Variants in WWTR1 observed in about 807,000 individuals in gnomAD.
WWTR1 encodes the protein WW domain-containing transcription regulator protein 1.
Under a neutral mutation model 40.1 loss-of-function variants are expected in WWTR1, and 13 were observed. The ratio of observed to expected loss-of-function variants is 0.32; its 90% CI spans 0.21 to 0.52. The LOEUF (loss-of-function observed/expected upper bound fraction) is 0.52, where lower values mean the gene tolerates loss of function less well. Ranked by LOEUF, WWTR1 falls within the 20% of genes least tolerant of loss-of-function variation. The pLI, the probability that WWTR1 is intolerant of heterozygous loss-of-function variation, is 0.97. For synonymous variants in WWTR1, 230 were observed against 210.1 expected (o/e 1.09, Z -0.82); for missense variants, 436 against 523.1 (o/e 0.83, Z 1.63).
intron 3 of WWTR1, among the ~76,000 whole-genome samples, chr3:149,569,320 TA>T (rs1737515884): frequency 6.6e-6 from 1 of 152,228 alleles, no homozygotes; most frequent in Non-Finnish European, 1.5e-5. Flanking sequence ...TTTTTTGCCA[TA>T]AAAATAATGA....
At chr3:149,618,972 G>A (rs1180814901) in intron 2 of WWTR1, among the ~76,000 whole-genome samples, 2 of 152,148 alleles carry the variant, frequency 1.3e-5, no homozygotes, top group Non-Finnish European at 2.9e-5. Flanking sequence ...TCAACCCAGA[G>A]ATATCCAGGC....
At position 149,646,427 on chromosome 3, in the gene WWTR1, T is replaced by C. The variant is rs372747992; in HGVS notation, c.431+10449A>G. ...GCATTGGTCACCTACTTGGATGTCA[T>C]AGCAATGCCATTTTGCCATAAAGTT... On this transcript the variant is annotated intron_variant, in intron 2 of 6. Coordinates refer to ENST00000360632, the MANE Select transcript of WWTR1 (RefSeq NM_015472.6). Among the ~76,000 whole-genome samples, 3 of 152,256 alleles carry C rather than the reference T, an allele frequency of 2.0e-5. No homozygotes were observed. In the East Asian group the frequency reaches 5.8e-4, roughly 29 times the overall value.
intron 2 of WWTR1, among the ~76,000 whole-genome samples, chr3:149,610,159 T>G (rs1739667732): frequency 6.6e-6 from 1 of 152,234 alleles, no homozygotes; most frequent in Admixed American, 6.5e-5. Flanking sequence ...TGCCATTATA[T>G]ACTATACATC....
Position 149,521,157 on chromosome 3 carries a change from G to A in WWTR1, c.1019-168C>T, listed in dbSNP as rs546198493. On this transcript the variant is annotated intron_variant, in intron 6 of 6. Transcript: ENST00000360632. ...TGGAAGAAATCGAAAATTATTTCTG[G>A]ATAGGTGTGGTCCAGAATGGAAAAG... Among the ~76,000 whole-genome samples the A allele has an allele frequency of 5.3e-4, 81 of 152,184 alleles. 5 individuals carry two copies. The highest frequency in any genetic ancestry group is 4.4e-5 in the Non-Finnish European group (3 of 68,040).
intron 6 of WWTR1, among the ~76,000 whole-genome samples, chr3:149,521,257 G>A (rs1735032812): frequency 6.6e-6 from 1 of 152,180 alleles, no homozygotes; most frequent in Non-Finnish European, 1.5e-5. Flanking sequence ...CCATGACAAA[G>A]GTGTGAAGAA....
rs186315340 is a variant in WWTR1, at chr3:149,535,050, G to A, written c.772-7081C>T. On this transcript the variant is annotated intron_variant, in intron 4 of 6. Transcript: ENST00000360632. ...GCATCTGCAGCTCTGTCCCGCCTTG[G>A]CTGAGGGAACACTCTGCCAGCCAGC... is the stretch of plus-strand genomic sequence containing the variant. Among the ~76,000 whole-genome samples the A allele has an allele frequency of 3.8e-3, 584 of 152,208 alleles. 1 individual carries two copies. The highest frequency in any genetic ancestry group is 5.7e-3 in the Non-Finnish European group (385 of 68,018).
chr3:149,711,247 C>T (rs1191843300), intron 5 of WWTR1, among the ~76,000 whole-genome samples: 7 of 151,696 alleles, frequency 4.6e-5, no homozygotes, highest in Admixed American at 4.6e-4. Flanking sequence ...GGCTTGAGCC[C>T]AGAAGTTCAG....
At chr3:149,624,927 C>T (rs1265467220) in intron 2 of WWTR1, among the ~76,000 whole-genome samples, 1 of 151,504 alleles carries the variant, frequency 6.6e-6, no homozygotes, top group Non-Finnish European at 1.5e-5. Flanking sequence ...GGTGGGGTTT[C>T]ACCATGTTGG....
chr3:149,695,606 C>T (rs1003843558), intron 1 of WWTR1, among the ~76,000 whole-genome samples: 8 of 150,556 alleles, frequency 5.3e-5, no homozygotes, highest in African/African-American at 2.0e-4. Flanking sequence ...ACTAAAAATA[C>T]AAAAATTCTC....
chr3:149,688,150 C>T (rs992471403), intron 1 of WWTR1, among the ~76,000 whole-genome samples: 2 of 152,002 alleles, frequency 1.3e-5, no homozygotes, highest in Admixed American at 1.3e-4. Flanking sequence ...GTTCCCAATT[C>T]CAGGTCCTAG....
intron 2 of WWTR1, among the ~76,000 whole-genome samples, chr3:149,655,984 A>G (rs1481406352): frequency 6.6e-6 from 1 of 152,080 alleles, no homozygotes; most frequent in African/African-American, 2.4e-5. Context: ...GGCTGGCACA[A>G]CCTCCATCTT....
intron 1 of WWTR1, among the ~76,000 whole-genome samples, chr3:149,682,447 T>G (rs1174797871): frequency 6.6e-6 from 1 of 152,180 alleles, no homozygotes; most frequent in Non-Finnish European, 1.5e-5. Context: ...GCAAAGAATT[T>G]CTTTGTTAAG....
chr3:149,639,591 A>G (rs1433593711), intron 2 of WWTR1, among the ~76,000 whole-genome samples: 1 of 152,190 alleles, frequency 6.6e-6, no homozygotes, highest in East Asian at 1.9e-4. Flanking sequence ...ATTAGTATGT[A>G]GCTCTCAAGG....
intron 2 of WWTR1, among the ~76,000 whole-genome samples, chr3:149,629,971 C>T (rs1484751228): frequency 6.6e-6 from 1 of 152,092 alleles, no homozygotes; most frequent in Non-Finnish European, 1.5e-5. Flanking sequence ...CTCAGCCTCC[C>T]CGGTAGCTGG....
intron 2 of WWTR1, among the ~76,000 whole-genome samples, chr3:149,618,579 T>A (rs2108080561): frequency 6.6e-6 from 1 of 152,336 alleles, no homozygotes; most frequent in African/African-American, 2.4e-5. Flanking sequence ...TCCCCACATA[T>A]CTAAAGCTTA....
At chr3:149,707,519 G>T (rs545538491), upstream of WWTR1, among the ~76,000 whole-genome samples, 3 of 152,112 alleles carry the variant, frequency 2.0e-5, no homozygotes, top group South Asian at 6.2e-4. Context: ...TAAATTAATA[G>T]ATGTTTTATG....
intron 2 of WWTR1, among the ~76,000 whole-genome samples, chr3:149,597,515 C>T (rs372465493): frequency 2.0e-5 from 3 of 151,232 alleles, no homozygotes; most frequent in African/African-American, 7.3e-5. Context: ...CGTGGCAGCG[C>T]ACACCTGAAG....
intron 1 of WWTR1, among the ~76,000 whole-genome samples, chr3:149,683,685 T>C (rs1454241756): frequency 1.3e-5 from 2 of 151,696 alleles, no homozygotes; most frequent in Non-Finnish European, 2.9e-5. Flanking sequence ...TAGAACAAGA[T>C]TCTGCCTTTA....
chr3:149,644,979 G>A (rs1041121624), intron 2 of WWTR1, among the ~76,000 whole-genome samples: 1 of 151,960 alleles, frequency 6.6e-6, no homozygotes, highest in Non-Finnish European at 1.5e-5. Flanking sequence ...CAGCCTCCCA[G>A]GTAACTGGGA....
Sources: allele counts gnomAD v4.1 joint callset (sites outside exome capture counted in the v4.1 genomes callset), GRCh38; gene constraint gnomAD v4.1.1; transcripts MANE v1.5; gene names NCBI Gene and HGNC (gene_info 2026-07-23, HGNC 2026-07-21).